Variants in UNC5B observed in about 807,000 individuals in gnomAD.
The protein encoded by UNC5B is unc-5 netrin receptor B, also known as netrin receptor UNC5B.
Under a neutral mutation model 103.7 loss-of-function variants are expected in UNC5B, and 56 were observed. The ratio of observed to expected loss-of-function variants is 0.54; its 90% CI spans 0.44 to 0.67. The LOEUF is 0.67. Ranked by LOEUF, UNC5B falls within the 30% of genes least tolerant of loss-of-function variation. UNC5B has a pLI of 0.00. For synonymous variants in UNC5B, 577 were observed against 542.0 expected, an observed-to-expected ratio of 1.06 and a Z score of -0.90; for missense variants, 1,194 against 1,284.5, an observed-to-expected ratio of 0.93 and a Z score of 1.08.
chr10:71,299,464 A>G lies in UNC5B; in HGVS notation c.*187A>G, dbSNP rs1845534292. On this transcript the variant is annotated 3_prime_UTR_variant, in exon 17 of 17. Transcript: ENST00000335350. The stretch of plus-strand genomic sequence containing the variant: ...TAGAAAATCCATGTACTCTGTTGTT[A>G]GAGGGCCCAGAGTTCCTTCTCCACC... The G allele has an allele frequency of 6.1e-6, 4 of 657,036 alleles. No homozygotes were observed. Among genetic ancestry groups the G allele is most frequent in the Non-Finnish European group, 1.0e-5 (4 of 395,666 alleles). The allele number at this position is 657,036 out of a possible 1,614,324, so 40.7% of individuals were successfully genotyped here. A position where few individuals can be genotyped will look rare whatever the true frequency, so the allele number is the denominator to read the frequency against.
intron 1 of UNC5B, among the ~76,000 whole-genome samples, chr10:71,271,928 G>A (rs182149623): frequency 7.1e-4 from 108 of 152,254 alleles, no homozygotes; most frequent in African/African-American, 2.2e-3. Context: ...CCCCGAGCCC[G>A]CCAGCCCCCA....
intron 2 of UNC5B, among the ~76,000 whole-genome samples, chr10:71,282,751 C>T (rs1200862974): frequency 1.3e-5 from 2 of 152,176 alleles, no homozygotes; most frequent in African/African-American, 2.4e-5. Flanking sequence ...CATCTGGACT[C>T]CCTGCACAAG....
intron 6 of UNC5B, 88 bp from the exon 7 acceptor site, chr10:71,288,480 G>A: frequency 1.3e-6 from 2 of 1,524,904 alleles, no homozygotes; most frequent in Non-Finnish European, 8.8e-7. Flanking sequence ...GCATGCATGT[G>A]TGTTGGCACA....
At chr10:71,260,705 C>T (rs1207733959) in intron 1 of UNC5B, among the ~76,000 whole-genome samples, 1 of 152,234 alleles carries the variant, frequency 6.6e-6, no homozygotes, top group Non-Finnish European at 1.5e-5. Flanking sequence ...ATCAAAGGCA[C>T]TATTGAAGAG....
At chr10:71,222,523 C>CA (rs1318659727) in intron 1 of UNC5B, among the ~76,000 whole-genome samples, 4 of 37,256 alleles carry the variant, frequency 1.1e-4, no homozygotes, top group African/African-American at 1.7e-4. Flanking sequence ...GCCCCTCCTC[C>CA]ACCCCCCGAT....
chr10:71,288,778 C>A, intron 7 of UNC5B, 46 bp downstream of exon 7: 1 of 1,561,556 alleles, frequency 6.4e-7, no homozygotes. Flanking sequence ...GACTCTGGAG[C>A]CATGTAAGGG....
At chr10:71,248,316 A>G (rs949971221) in intron 1 of UNC5B, among the ~76,000 whole-genome samples, 9 of 152,040 alleles carry the variant, frequency 5.9e-5, no homozygotes, top group African/African-American at 1.9e-4. Flanking sequence ...ACGCCCTGGG[A>G]GCCTATACGG....
At chr10:71,266,412 C>T (rs1844524228) in intron 1 of UNC5B, among the ~76,000 whole-genome samples, 1 of 152,186 alleles carries the variant, frequency 6.6e-6, no homozygotes, top group Non-Finnish European at 1.5e-5. Context: ...GGCCCTTGCA[C>T]CCTTCCTCTG....
intron 1 of UNC5B, among the ~76,000 whole-genome samples, chr10:71,218,410 G>A (rs998740984): frequency 5.9e-5 from 9 of 152,306 alleles, no homozygotes; most frequent in Middle Eastern, 3.4e-3. Flanking sequence ...ATTCCGTTGG[G>A]GATTCCACTT....
rs138611412 is a variant in UNC5B, at chr10:71,266,312, G to A, written c.80-13509G>A. Among the ~76,000 whole-genome samples the A allele has an allele frequency of 1.7e-3, 264 of 152,032 alleles. 1 individual carries two copies. The highest frequency in any genetic ancestry group is 2.9e-3 in the Non-Finnish European group (197 of 67,988). ...CTTGGCTAACCTCCTGCAGGTTTTGGGCTTTTTGCTCCCCTTCACCCTCCC... is the reference window on the plus strand; with the variant it reads ...CTTGGCTAACCTCCTGCAGGTTTTGAGCTTTTTGCTCCCCTTCACCCTCCC... On this transcript the variant is annotated intron_variant, in intron 1 of 16. Transcript: ENST00000335350.
chr10:71,247,700 C>T (rs1013221716), intron 1 of UNC5B, among the ~76,000 whole-genome samples: 1 of 152,216 alleles, frequency 6.6e-6, no homozygotes, highest in African/African-American at 2.4e-5. Context: ...CCACAGCACC[C>T]ACACTGGGAC....
chr10:71,266,047 C>G (rs745967186), intron 1 of UNC5B, among the ~76,000 whole-genome samples: 4 of 152,192 alleles, frequency 2.6e-5, no homozygotes, highest in Admixed American at 2.6e-4. Flanking sequence ...CTGGTATTTC[C>G]TGTCACTAGG....
rs144888704 is a variant in UNC5B at position 71,286,594 on chromosome 10, C to T, written c.553-95C>T. The T allele has an allele frequency of 3.7e-3, 5,457 of 1,494,978 alleles. 17 individuals carry two copies. Among genetic ancestry groups the T allele is most frequent in the Non-Finnish European group, 4.5e-3 (4,857 of 1,089,248 alleles). 92.6% of individuals were successfully genotyped at this position (1,494,978 alleles called of 1,614,324 possible). A position where few individuals can be genotyped will look rare whatever the true frequency, so the allele number is the denominator to read the frequency against. On this transcript the variant is annotated intron_variant, in intron 4 of 16. Transcript: ENST00000335350. The stretch of plus-strand genomic sequence containing the variant: ...CCACCAAGGCCCTGCCTCACTGCCA[C>T]GACTATGGCGTGGACCCAGGTAGAA...
intron 1 of UNC5B, among the ~76,000 whole-genome samples, chr10:71,229,880 C>T (rs1272090012): frequency 6.6e-6 from 1 of 152,132 alleles, no homozygotes; most frequent in African/African-American, 2.4e-5. Context: ...GCTGTCCCAC[C>T]GTCGCTGGTC....
Position 71,213,247 on chromosome 10 carries a change from G to A in UNC5B, c.79+183G>A, listed in dbSNP as rs887848069. On this transcript the variant is annotated intron_variant, in intron 1 of 16. Transcript: ENST00000335350. The surrounding 1 kb of genome is among the most constrained non-coding windows in gnomAD (Gnocchi z 4.1). ...AATGGCGCATCCACATCGCGGGAGC[G>A]GGGAGCAGGGAAGGGGCTTCACAGT... Among the ~76,000 whole-genome samples, 6 of 152,184 alleles carry A rather than the reference G, an allele frequency of 3.9e-5. No individual in the cohort carries two copies. Among genetic ancestry groups the A allele is most frequent in the African/African-American group, 1.4e-4 (6 of 41,462 alleles).
intron 1 of UNC5B, among the ~76,000 whole-genome samples, chr10:71,278,461 C>T (rs751595025): frequency 6.6e-6 from 1 of 152,316 alleles, no homozygotes; most frequent in African/African-American, 2.4e-5. Context: ...CCACCCCCAC[C>T]GCCCGTACAC....
At chr10:71,240,307 C>G (rs529191611) in intron 1 of UNC5B, among the ~76,000 whole-genome samples, 1 of 152,386 alleles carries the variant, frequency 6.6e-6, no homozygotes, top group East Asian at 1.9e-4. Context: ...CTGGCCCAGG[C>G]CAGCCACTCA....
chr10:71,281,872 G>C (rs1475910255), intron 2 of UNC5B, among the ~76,000 whole-genome samples: 2 of 152,136 alleles, frequency 1.3e-5, no homozygotes, highest in Non-Finnish European at 2.9e-5. Flanking sequence ...TGCTTCCTCT[G>C]TCCTCTTTCC....
At chr10:71,232,603 G>T (rs1286431962) in intron 1 of UNC5B, among the ~76,000 whole-genome samples, 1 of 152,262 alleles carries the variant, frequency 6.6e-6, no homozygotes, top group Non-Finnish European at 1.5e-5. Context: ...CGTGAGCTCC[G>T]CCAGTTGGCA....
Sources: allele counts gnomAD v4.1 joint callset (sites outside exome capture counted in the v4.1 genomes callset), GRCh38; gene constraint gnomAD v4.1.1; non-coding constraint Gnocchi (gnomAD v3.1); transcripts MANE v1.5; gene names NCBI Gene and HGNC (gene_info 2026-07-23, HGNC 2026-07-21).